PXDNL: variants seen among roughly 807,000 people sequenced by gnomAD.
PXDNL encodes probable oxidoreductase PXDNL.
PXDNL carries 145 observed loss-of-function variants against 150.8 expected under a neutral mutation model. That is an observed-to-expected ratio of 0.96 (90% confidence interval 0.84 to 1.10). PXDNL has a LOEUF of 1.10. PXDNL is among the 50% of genes least tolerant of loss of function. The pLI, the probability that PXDNL is intolerant of heterozygous loss-of-function variation, is 0.00. For synonymous variants in PXDNL, 757 were observed against 725.7 expected (o/e 1.04, Z -0.69); for missense variants, 2,087 against 1,873.9 (o/e 1.11, Z -2.10).
At position 51,648,504 on chromosome 8, in the gene PXDNL, C is replaced by A. The variant is rs533182304; in HGVS notation, c.236+6185G>T. On this transcript the variant is annotated intron_variant, in intron 2 of 22. Transcript: ENST00000356297. ...TGCTAAAAGAGGCAAGGAGAAGTTT[C>A]TCTCCCAGAGCCTCTGGAGGGAAGG... Among the ~76,000 whole-genome samples the A allele has an allele frequency of 3.3e-5, 5 of 152,320 alleles. No homozygotes were observed. The South Asian group carries it at 1.0e-3, about 32-fold the overall frequency.
chr8:51,727,598 T>C (rs538978441), intron 1 of PXDNL, among the ~76,000 whole-genome samples: 37 of 152,212 alleles, frequency 2.4e-4, no homozygotes, highest in African/African-American at 8.9e-4. Flanking sequence ...CAGAGCACTA[T>C]GTAAGCAAAC....
chr8:51,320,126 C>T (rs576864377), intron 22 of PXDNL, 104 bp from the exon 23 acceptor site: 1 of 1,015,670 alleles, frequency 9.8e-7, no homozygotes, highest in Admixed American at 4.1e-5. Context: ...AGCTGACTGT[C>T]TCAATATAAT....
chr8:51,553,308 A>G (rs1045969069), intron 4 of PXDNL, among the ~76,000 whole-genome samples: 1 of 151,968 alleles, frequency 6.6e-6, no homozygotes, highest in African/African-American at 2.4e-5. Context: ...TCCCACTCCC[A>G]TTACTCCACT....
chr8:51,364,250 A>G (rs1336531076), intron 19 of PXDNL, among the ~76,000 whole-genome samples: 3 of 152,196 alleles, frequency 2.0e-5, no homozygotes, highest in Non-Finnish European at 4.4e-5. Context: ...TCTGAGAACA[A>G]CATCAGAGTT....
chr8:51,332,265 A>G (rs1159572108), intron 21 of PXDNL, among the ~76,000 whole-genome samples: 1 of 152,182 alleles, frequency 6.6e-6, no homozygotes, highest in South Asian at 2.1e-4. Flanking sequence ...AGCCACAACC[A>G]TGGGAAAAGG....
chr8:51,501,573 TAC>T (rs1406708613), intron 4 of PXDNL, among the ~76,000 whole-genome samples: 1 of 151,504 alleles, frequency 6.6e-6, no homozygotes, highest in South Asian at 2.1e-4. Flanking sequence ...GATACACATC[TAC>T]ACACTCACAC....
At chr8:51,553,740 T>TTATATATATATATATATATATATATA (rs747698313) in intron 4 of PXDNL, among the ~76,000 whole-genome samples, 7 of 112,936 alleles carry the variant, frequency 6.2e-5, no homozygotes, top group African/African-American at 2.9e-4. Context: ...GTGAGGGATT[T>TTATATATATATATATATATATATATA]TATATATATA....
At chr8:51,503,454 A>G (rs1811227166) in intron 4 of PXDNL, among the ~76,000 whole-genome samples, 1 of 152,176 alleles carries the variant, frequency 6.6e-6, no homozygotes, top group Admixed American at 6.5e-5. Context: ...TTTAGGTTAT[A>G]TGTGTTTGAT....
chr8:51,393,768 G>A (rs1015329364), intron 17 of PXDNL, among the ~76,000 whole-genome samples: 2 of 152,194 alleles, frequency 1.3e-5, no homozygotes, highest in Non-Finnish European at 2.9e-5. Context: ...GTGAAAAGAA[G>A]GGGCCCCAGC....
chr8:51,355,880 G>A (rs1237868020), intron 19 of PXDNL, among the ~76,000 whole-genome samples: 1 of 152,160 alleles, frequency 6.6e-6, no homozygotes, highest in Non-Finnish European at 1.5e-5. Context: ...CAATTTTTTA[G>A]GACAAGATTC....
intron 17 of PXDNL, among the ~76,000 whole-genome samples, chr8:51,377,803 A>C (rs1481316588): frequency 6.6e-6 from 1 of 152,128 alleles, no homozygotes; most frequent in Non-Finnish European, 1.5e-5. Context: ...CCTCCCCCAC[A>C]CCGCGGGCTC....
rs972070433 is a variant in PXDNL at position 51,408,960 on chromosome 8, G to A, written c.2664C>T (p.Asn888=). The part of the protein sequence containing the change: ...VDSVYAREQI[N]QQTAYIDGSN... ...AGCCATCGATGTAGGCTGTTTGCTG[G>A]TTGATCTGCTCTCGTGCATAGACTG... The change falls in exon 17 of 23, where the codon AAC becomes AAT. Residue 888 remains asparagine, a synonymous_variant. Transcript: ENST00000356297. 1 of 1,612,686 alleles carries A rather than the reference G, an allele frequency of 6.2e-7. No individual in the cohort carries two copies. Among genetic ancestry groups the A allele is most frequent in the Non-Finnish European group, 8.5e-7 (1 of 1,179,874 alleles).
chr8:51,408,314 G>A lies in PXDNL; in HGVS notation c.3310C>T (p.Leu1104=), dbSNP rs1472598243. 1.9e-6 allele frequency: 3 copies of A among 1,613,958 alleles called. No homozygotes were observed. Among genetic ancestry groups the A allele is most frequent in the Non-Finnish European group, 8.5e-7 (1 of 1,179,886 alleles). Residue 1104 remains leucine (L), a synonymous_variant, in exon 17 of 23, where the codon CTG becomes TTG. Transcript: ENST00000356297. ...CGCCATTTAGCAGCCACGCCAAACA[G>A]CCCCCGGAGAACCGGGTCTATCCCA... ...EGGIDPVLRG[L]FGVAAKWRAP...
chr8:51,524,485 T>C lies in PXDNL; in HGVS notation c.381-24715A>G, dbSNP rs563964651. 1.1e-4 allele frequency among the ~76,000 whole-genome samples: 16 copies of C among 152,286 alleles called. No individual in the cohort carries two copies. The South Asian group carries it at 3.3e-3, about 32-fold the overall frequency. On this transcript the variant is annotated intron_variant, in intron 4 of 22. Transcript: ENST00000356297. Reference sequence around the variant, plus strand: ...TTTCAAAAACCACTTCCTAAATCTCTTTTTCTAAGCTTTGTGAAATACCAT... The same window carrying C: ...TTTCAAAAACCACTTCCTAAATCTCCTTTTCTAAGCTTTGTGAAATACCAT...
intron 1 of PXDNL, among the ~76,000 whole-genome samples, chr8:51,806,536 CAGAGGAGT>C (rs1346517334): frequency 2.0e-5 from 3 of 152,060 alleles, no homozygotes; most frequent in African/African-American, 7.2e-5. Flanking sequence ...TTTTTAGCCC[CAGAGGAGT>C]AGAGGAGCAA....
rs1040132031 is a variant in PXDNL, at chr8:51,769,111, T to C, written c.164+40070A>G. On this transcript the variant is annotated intron_variant, in intron 1 of 22. Transcript: ENST00000356297. ...AGCGAGACTCCGTCTCAAAAAAGAATGTGCATCACTGACAGAGGAATTGTG... is the reference window on the plus strand; with the variant it reads ...AGCGAGACTCCGTCTCAAAAAAGAACGTGCATCACTGACAGAGGAATTGTG... 3.3e-5 allele frequency among the ~76,000 whole-genome samples: 5 copies of C among 152,150 alleles called. No individual in the cohort carries two copies. The South Asian group carries it at 6.2e-4, about 19-fold the overall frequency.
chr8:51,339,027 G>C (rs568343461), intron 21 of PXDNL, among the ~76,000 whole-genome samples: 1 of 152,336 alleles, frequency 6.6e-6, no homozygotes, highest in East Asian at 1.9e-4. Flanking sequence ...TGGTGAGGCA[G>C]TTGGAAGCAG....
chr8:51,332,685 G>A (rs1211025816), intron 21 of PXDNL, among the ~76,000 whole-genome samples: 1 of 152,032 alleles, frequency 6.6e-6, no homozygotes, highest in Non-Finnish European at 1.5e-5. Context: ...TTAGAAATGT[G>A]AAATGCTCTG....
chr8:51,379,646 A>G (rs1807470422), intron 17 of PXDNL, among the ~76,000 whole-genome samples: 1 of 152,084 alleles, frequency 6.6e-6, no homozygotes, highest in African/African-American at 2.4e-5. Flanking sequence ...GATTCTGATG[A>G]AAATATTTTC....
Sources: gnomAD v4.1 joint callset for allele counts (sites outside exome capture counted in the v4.1 genomes callset) on GRCh38, gnomAD v4.1.1 for gene constraint, MANE v1.5 for transcripts, NCBI Gene and HGNC (gene_info 2026-07-23, HGNC 2026-07-21) for gene names.